Variants in IDO2 observed in about 807,000 individuals in gnomAD.
IDO2 encodes indoleamine 2,3-dioxygenase-like 1 protein.
IDO2 carries 46 observed loss-of-function variants against 45.1 expected under a neutral mutation model. The observed-to-expected ratio is 1.02, with a 90% CI of 0.80 to 1.30. The LOEUF (loss-of-function observed/expected upper bound fraction) is 1.30. IDO2 is among the 50% of genes most tolerant of loss of function. The pLI is 0.00. For synonymous variants in IDO2, 218 were observed against 184.9 expected, an observed-to-expected ratio of 1.18 and a Z score of -1.45; for missense variants, 544 against 491.8, an observed-to-expected ratio of 1.11 and a Z score of -1.00.
At chr8:39,935,849 A>C (rs13278237) in intron 1 of IDO2, among the ~76,000 whole-genome samples, 1 of 152,086 alleles carries the variant, frequency 6.6e-6, no homozygotes, top group East Asian at 1.9e-4. Context: ...TTTGGAAGAC[A>C]GCAAAACCTG....
intron 8 of IDO2, among the ~76,000 whole-genome samples, chr8:40,000,449 G>T (rs1446288316): frequency 6.6e-6 from 1 of 151,668 alleles, no homozygotes; most frequent in East Asian, 1.9e-4. Flanking sequence ...ATATTATCAT[G>T]ATATATTATT....
intron 8 of IDO2, among the ~76,000 whole-genome samples, chr8:39,999,184 C>A (rs2543078): frequency 6.6e-6 from 1 of 151,398 alleles, no homozygotes; most frequent in African/African-American, 2.4e-5. Context: ...GTCGGTTTAT[C>A]TTTCTCCCCT....
At chr8:39,970,953 G>T (rs1808169504) in intron 3 of IDO2, among the ~76,000 whole-genome samples, 1 of 151,838 alleles carries the variant, frequency 6.6e-6, no homozygotes, top group Non-Finnish European at 1.5e-5. Context: ...TTTTAGTAGA[G>T]ACGGGGTTTC....
chr8:39,993,809 G>A (rs909256710), intron 8 of IDO2, among the ~76,000 whole-genome samples: 2 of 152,024 alleles, frequency 1.3e-5, no homozygotes, highest in East Asian at 3.9e-4. Context: ...CAGTCCGAGG[G>A]CAGGGTAGCC....
At chr8:39,955,492 G>A (rs1228447168) in intron 2 of IDO2, among the ~76,000 whole-genome samples, 1 of 151,956 alleles carries the variant, frequency 6.6e-6, no homozygotes, top group Non-Finnish European at 1.5e-5. Flanking sequence ...CTGACCTCAG[G>A]TGATCCACCT....
At chr8:40,012,481 C>A (rs1018408388) in intron 9 of IDO2, among the ~76,000 whole-genome samples, 1 of 152,162 alleles carries the variant, frequency 6.6e-6, no homozygotes, top group Non-Finnish European at 1.5e-5. Flanking sequence ...CTCCAAAAAT[C>A]TGTCCTGATG....
intron 2 of IDO2, among the ~76,000 whole-genome samples, chr8:39,957,605 C>T (rs1807924099): frequency 6.6e-6 from 1 of 152,112 alleles, no homozygotes. Context: ...GAGTGAGATC[C>T]TGTCTCTAAA....
At chr8:39,985,522 G>C in exon 6 of IDO2, 6 of 1,563,980 alleles carry the variant, frequency 3.8e-6, no homozygotes, top group Non-Finnish European at 8.7e-7. Context: ...CTGGAAATTG[G>C]GTAAGTTCTC....
rs890725749 is a variant in IDO2, at chr8:39,962,130, T to TG, written c.100-1473dup. On this transcript the variant is annotated intron_variant, in intron 2 of 10. Transcript: ENST00000502986. ...AGTTTACTGTCCCTTGGGTGAGAGT[T>TG]GGGGGTCACTGAAATTCGGACTATG... Among the ~76,000 whole-genome samples the TG allele has an allele frequency of 5.9e-5, 9 of 152,258 alleles. No individual in the cohort carries two copies. In the East Asian group the frequency reaches 1.7e-3, roughly 29 times the overall value.
At chr8:39,984,551 G>T (rs2129594576) in intron 5 of IDO2, among the ~76,000 whole-genome samples, 1 of 152,306 alleles carries the variant, frequency 6.6e-6, no homozygotes, top group East Asian at 1.9e-4. Flanking sequence ...TGAAGGGCTA[G>T]TTTAATTCCA....
chr8:39,957,717 CTT>C (rs1480539138), intron 2 of IDO2, among the ~76,000 whole-genome samples: 2 of 152,178 alleles, frequency 1.3e-5, no homozygotes, highest in African/African-American at 4.8e-5. Flanking sequence ...TGTAATAGCT[CTT>C]TCTCCTTCAC....
rs1369412515 is a variant in IDO2, at chr8:39,989,707, C to T, written c.550-14C>T. 3 of 1,537,214 alleles carry T rather than the reference C, an allele frequency of 2.0e-6. No homozygotes were observed. The highest frequency in any genetic ancestry group is 2.4e-5 in the East Asian group (1 of 41,936). Reference sequence around the variant, plus strand: ...GGAGTGCTAATAAGTTGTGTACATGCATCTCATCCCTAGGCTCTTGTTCAG... The same window carrying T: ...GGAGTGCTAATAAGTTGTGTACATGTATCTCATCCCTAGGCTCTTGTTCAG... On this transcript the variant is annotated splice_polypyrimidine_tract_variant and intron_variant, in intron 7 of 10. Coordinates refer to ENST00000502986, the Ensembl canonical transcript of IDO2.
At chr8:39,942,472 T>C (rs1008894615) in intron 1 of IDO2, among the ~76,000 whole-genome samples, 7 of 152,142 alleles carry the variant, frequency 4.6e-5, no homozygotes, top group African/African-American at 1.4e-4. Flanking sequence ...GACTAAAGCC[T>C]GTCTCTACCA....
intron 2 of IDO2, among the ~76,000 whole-genome samples, chr8:39,952,781 T>G (rs1336858056): frequency 6.6e-6 from 1 of 151,572 alleles, no homozygotes; most frequent in African/African-American, 2.4e-5. Flanking sequence ...AGTTCAGATT[T>G]TTTTTTTTTT....
chr8:40,015,963 C>CA (rs201964274), exon 11 of IDO2: 1 of 366,930 alleles, frequency 2.7e-6, no homozygotes, highest in South Asian at 1.4e-4. Context: ...TGTTGATTTT[C>CA]TTAAAAAACA....
intron 3 of IDO2, among the ~76,000 whole-genome samples, chr8:39,966,259 C>T (rs1808083458): frequency 6.6e-6 from 1 of 151,974 alleles, no homozygotes; most frequent in African/African-American, 2.4e-5. Flanking sequence ...GAACTCCTAA[C>T]CTTGTGATCC....
rs2543051 is a variant in IDO2 at position 39,963,518 on chromosome 8, C to A, written c.100-90C>A. On this transcript the variant is annotated intron_variant, in intron 2 of 10. Transcript: ENST00000502986. ...CGTTCAACTGCATTGACTTGAATTC[C>A]CCTGAAGACTGAAATGTGAAAATAG... is the stretch of plus-strand genomic sequence containing the variant. 3,842 of 721,574 alleles carry A rather than the reference C, an allele frequency of 5.3e-3. 112 individuals carry two copies. In the African/African-American group the frequency reaches 0.058, roughly 11 times the overall value. The allele number at this position is 721,574 out of a possible 1,614,324, so 44.7% of individuals were successfully genotyped here.
chr8:39,979,064 C>G lies in IDO2; in HGVS notation c.196-3C>G. The G allele has an allele frequency of 6.3e-7, 1 of 1,575,994 alleles. No individual in the cohort carries two copies. The highest frequency in any genetic ancestry group is 8.6e-7 in the Non-Finnish European group (1 of 1,160,870). On this transcript the variant is annotated splice_region_variant and splice_polypyrimidine_tract_variant and intron_variant, in intron 3 of 10. Transcript: ENST00000502986. Reference sequence around the variant, plus strand: ...CTGACGGCATTTGGACTTTCATGAACAGATGCCCCTGCTGAGCTGCCAGTT... The same window carrying G: ...CTGACGGCATTTGGACTTTCATGAAGAGATGCCCCTGCTGAGCTGCCAGTT...
intron 3 of IDO2, among the ~76,000 whole-genome samples, chr8:39,967,381 T>G (rs968923159): frequency 3.2e-4 from 49 of 152,294 alleles, no homozygotes; most frequent in African/African-American, 1.1e-3. Context: ...GTGAATTTTC[T>G]AGGGTAAAGA....
Sources: allele counts gnomAD v4.1 joint callset (sites outside exome capture counted in the v4.1 genomes callset), GRCh38; gene constraint gnomAD v4.1.1; transcripts MANE v1.5; gene names NCBI Gene and HGNC (gene_info 2026-07-23, HGNC 2026-07-21).